ZDHHC20: variants seen among roughly 807,000 people sequenced by gnomAD.
The protein encoded by ZDHHC20 is zDHHC palmitoyltransferase 20, also known as palmitoyltransferase ZDHHC20.
Under a neutral mutation model 57.8 loss-of-function variants are expected in ZDHHC20, and 43 were observed. The ratio of observed to expected loss-of-function variants is 0.74; its 90% CI spans 0.58 to 0.96. The LOEUF is 0.96. Ranked by LOEUF, ZDHHC20 falls within the 40% of genes least tolerant of loss-of-function variation. The pLI is 0.00. For synonymous variants in ZDHHC20, 157 were observed against 153.0 expected (o/e 1.03, Z -0.19); for missense variants, 391 against 441.1 (o/e 0.89, Z 1.02).
chr13:21,459,273 C>T lies in ZDHHC20; in HGVS notation c.-102G>A, dbSNP rs1885202102. ...GCTCCAGGCGGCTGCTGGTCCAGCT[C>T]CCCCGCCTCCGAGGCAGGACTTGTG... On this transcript the variant is annotated 5_prime_UTR_variant, in exon 1 of 13. Transcript: ENST00000400590. 9.5e-6 allele frequency: 8 copies of T among 840,004 alleles called. No individual in the cohort carries two copies. Among genetic ancestry groups the T allele is most frequent in the Non-Finnish European group, 1.4e-5 (8 of 568,426 alleles). 52.0% of individuals were successfully genotyped at this position (840,004 alleles called of 1,614,324 possible). A position where few individuals can be genotyped will look rare whatever the true frequency, so the allele number is the denominator to read the frequency against.
chr13:21,451,407 T>C (rs1373329699), intron 1 of ZDHHC20, among the ~76,000 whole-genome samples: 3 of 152,184 alleles, frequency 2.0e-5, no homozygotes, highest in South Asian at 2.1e-4. Context: ...CTCTAATGGA[T>C]ACAAGAACAA....
chr13:21,433,049 T>C (rs926245039), intron 1 of ZDHHC20, among the ~76,000 whole-genome samples: 4 of 152,234 alleles, frequency 2.6e-5, no homozygotes, highest in African/African-American at 7.2e-5. Context: ...TGAAATCAGA[T>C]AGTATGGGTC....
At chr13:21,423,852 C>T (rs17486163) in intron 2 of ZDHHC20, among the ~76,000 whole-genome samples, 32,079 of 151,772 alleles carry the variant, frequency 0.21, 3,692 homozygotes, top group Non-Finnish European at 0.25. Flanking sequence ...TTACTTCCTT[C>T]ATAAATAGTT....
intron 1 of ZDHHC20, among the ~76,000 whole-genome samples, chr13:21,434,959 C>T (rs931509873): frequency 6.6e-6 from 1 of 151,198 alleles, no homozygotes; most frequent in Non-Finnish European, 1.5e-5. Flanking sequence ...AGATTCCTAA[C>T]AGTGGGATTA....
At chr13:21,396,331 T>C (rs1015459387) in intron 7 of ZDHHC20, among the ~76,000 whole-genome samples, 1 of 152,166 alleles carries the variant, frequency 6.6e-6, no homozygotes, top group Non-Finnish European at 1.5e-5. Context: ...AAAAGTACTT[T>C]TTAACTACAA....
At chr13:21,414,225 A>C (rs1340539718) in intron 3 of ZDHHC20, among the ~76,000 whole-genome samples, 1 of 108,656 alleles carries the variant, frequency 9.2e-6, no homozygotes, top group Non-Finnish European at 1.9e-5. Context: ...AAGGCCAAGG[A>C]GTCTTTTTTT....
At chr13:21,405,663 G>A (rs1878335566) in intron 4 of ZDHHC20, among the ~76,000 whole-genome samples, 2 of 152,018 alleles carry the variant, frequency 1.3e-5, no homozygotes, top group African/African-American at 4.8e-5. Flanking sequence ...TCCACTACTG[G>A]GAGCATATTC....
At chr13:21,413,941 A>C (rs2137866691) in intron 3 of ZDHHC20, among the ~76,000 whole-genome samples, 169 bp from the exon 4 acceptor site, 1 of 152,340 alleles carries the variant, frequency 6.6e-6, no homozygotes, top group Non-Finnish European at 1.5e-5. Flanking sequence ...AAAACTGTAT[A>C]CCTTTGGCAT....
chr13:21,388,919 C>G (rs1875114445), intron 8 of ZDHHC20, among the ~76,000 whole-genome samples: 1 of 151,732 alleles, frequency 6.6e-6, no homozygotes, highest in Admixed American at 6.6e-5. Flanking sequence ...ATCATAGGAT[C>G]TAGAATGGAC....
chr13:21,429,955 A>G (rs1881725108), intron 1 of ZDHHC20, among the ~76,000 whole-genome samples: 1 of 152,054 alleles, frequency 6.6e-6, no homozygotes, highest in Non-Finnish European at 1.5e-5. Flanking sequence ...GGTTCTTTAC[A>G]TCTTCTATTT....
chr13:21,392,329 C>G (rs56123702), intron 7 of ZDHHC20, among the ~76,000 whole-genome samples: 1 of 151,962 alleles, frequency 6.6e-6, no homozygotes, highest in African/African-American at 2.4e-5. Context: ...CTCCAACATC[C>G]GACATATATA....
intron 10 of ZDHHC20, 42 bp downstream of exon 10, chr13:21,382,878 C>CT: frequency 2.0e-6 from 3 of 1,487,936 alleles, no homozygotes; most frequent in Non-Finnish European, 2.8e-6. Flanking sequence ...ATACGGTTTG[C>CT]TTTATGATGA....
rs1325705602 is a variant in ZDHHC20, at chr13:21,402,801, C to G, written c.436G>C (p.Asp146His). 1 of 1,596,592 alleles carries G rather than the reference C, an allele frequency of 6.3e-7. No homozygotes were observed. The highest frequency in any genetic ancestry group is 1.3e-5 in the African/African-American group (1 of 74,676). ...PDRAHHCSAC[D>H]SCILKMDHHC... ...ATATGTGTGAGTAACACTTACGAGT[C>G]ACAGGCTGAGCAGTGATGCGCCCGA... is the stretch of plus-strand genomic sequence containing the variant. The change falls in exon 5 of 13, where the codon GAC (aspartate) becomes CAC (histidine). Residue 146 changes from aspartate to histidine, a missense_variant. Asp to His is a moderately conservative substitution (Grantham distance 81). Around this residue, in one of 3 missense-constraint regions of ZDHHC20, gnomAD observed 185 missense variants for 188.0 expected, o/e 0.98. Coordinates refer to ENST00000400590, the MANE Select transcript of ZDHHC20 (RefSeq NM_001330059.2).
intron 7 of ZDHHC20, among the ~76,000 whole-genome samples, chr13:21,395,496 CT>C (rs201405874): frequency 0.23 from 28,140 of 119,830 alleles, 1,853 homozygotes; most frequent in Middle Eastern, 0.29. Flanking sequence ...CTTTTCTTTT[CT>C]TTTTTTTTTT....
In ZDHHC20 at chr13:21,402,958, G is replaced by C; in HGVS notation, c.371-92C>G. On this transcript the variant is annotated intron_variant, in intron 4 of 12. Transcript: ENST00000400590. ...TTGATTTTCTAAAAAAAATAACTCT[G>C]GGTAATTGATAACTAATAATTTTAA... 5 of 924,388 alleles carry C rather than the reference G, an allele frequency of 5.4e-6. No individual in the cohort carries two copies. The South Asian group carries it at 7.5e-5, about 14-fold the overall frequency. The allele number at this position is 924,388 out of a possible 1,614,324, so 57.3% of individuals were successfully genotyped here. A position where few individuals can be genotyped will look rare whatever the true frequency, so the allele number is the denominator to read the frequency against.
In ZDHHC20 at chr13:21,400,609, T is replaced by A. The variant is rs182631199; in HGVS notation, c.474-116A>T. ...TGTGGTGTGGGGAAGGGGAGCTTTTTAATGCGAATAAAATTTCAGTTTTGC... is the reference window on the plus strand; with the variant it reads ...TGTGGTGTGGGGAAGGGGAGCTTTTAAATGCGAATAAAATTTCAGTTTTGC... On this transcript the variant is annotated intron_variant, in intron 6 of 12. Coordinates refer to ENST00000400590, the MANE Select transcript of ZDHHC20 (RefSeq NM_001330059.2). 4.7e-5 allele frequency: 48 copies of A among 1,012,432 alleles called. No individual in the cohort carries two copies. The Admixed American group carries it at 1.2e-3, about 25-fold the overall frequency. The allele number at this position is 1,012,432 out of a possible 1,614,324, so 62.7% of individuals were successfully genotyped here.
chr13:21,445,081 CAT>C (rs550983014), intron 1 of ZDHHC20, among the ~76,000 whole-genome samples: 163 of 151,948 alleles, frequency 1.1e-3, no homozygotes, highest in African/African-American at 3.2e-3. Context: ...CACACACATA[CAT>C]GTTTTACATG....
chr13:21,425,730 T>C, intron 1 of ZDHHC20, 52 bp from the exon 2 acceptor site: 2 of 988,894 alleles, frequency 2.0e-6, no homozygotes, highest in Non-Finnish European at 2.7e-6. Flanking sequence ...ATTTTGTATG[T>C]AAGTTTTATT....
chr13:21,420,764 G>A (rs533126241), intron 3 of ZDHHC20, among the ~76,000 whole-genome samples: 10 of 152,290 alleles, frequency 6.6e-5, no homozygotes, highest in Admixed American at 2.6e-4. Context: ...CTTTCCTAAC[G>A]CAATTCTGTT....
Sources: allele counts gnomAD v4.1 joint callset (sites outside exome capture counted in the v4.1 genomes callset), GRCh38; gene constraint gnomAD v4.1.1; regional missense constraint gnomAD v4.1.1; transcripts MANE v1.5; gene names NCBI Gene and HGNC (gene_info 2026-07-23, HGNC 2026-07-21).